EPN2: variants seen among roughly 807,000 people sequenced by gnomAD.
EPN2 encodes epsin-2.
In EPN2, 34 loss-of-function variants were observed where a neutral mutation model predicts 61.7. The observed-to-expected ratio is 0.55, with a 90% CI of 0.42 to 0.73. The LOEUF is 0.73. EPN2 is among the 30% of genes least tolerant of loss of function. The probability of loss-of-function intolerance (pLI) is 0.00; values close to 1 mark genes in which losing one functional copy is unlikely to be tolerated. For missense variants in EPN2, 714 were observed against 839.2 expected (o/e 0.85, Z 1.84); for synonymous variants, 349 against 353.6 (o/e 0.99, Z 0.15).
chr17:19,303,610 C>G (rs559830560), intron 4 of EPN2, among the ~76,000 whole-genome samples: 1 of 152,364 alleles, frequency 6.6e-6, no homozygotes, highest in African/African-American at 2.4e-5. Flanking sequence ...TATGACGTCA[C>G]CTGACAGGCA....
At chr17:19,269,141 A>C (rs2045229854) in intron 1 of EPN2, among the ~76,000 whole-genome samples, 2 of 152,238 alleles carry the variant, frequency 1.3e-5, no homozygotes, top group South Asian at 4.1e-4. Context: ...TTACATAATA[A>C]AACATTTAAG....
intron 1 of EPN2, among the ~76,000 whole-genome samples, chr17:19,265,424 C>CA (rs2045186108): frequency 6.6e-6 from 1 of 151,726 alleles, no homozygotes; most frequent in Non-Finnish European, 1.5e-5. Flanking sequence ...CGGTCTCACA[C>CA]AAAGGTGTCT....
intron 1 of EPN2, among the ~76,000 whole-genome samples, chr17:19,255,711 C>G (rs964557712): frequency 6.6e-6 from 1 of 151,802 alleles, no homozygotes; most frequent in Non-Finnish European, 1.5e-5. Context: ...TAGCCTCTAG[C>G]TCCTGGGCTC....
intron 3 of EPN2, among the ~76,000 whole-genome samples, chr17:19,284,521 G>C (rs964597690): frequency 1.3e-5 from 2 of 152,248 alleles, no homozygotes; most frequent in African/African-American, 4.8e-5. Flanking sequence ...GGTGGCCCTA[G>C]TGGCCTTTGG....
At chr17:19,253,853 T>C (rs533511374) in intron 1 of EPN2, among the ~76,000 whole-genome samples, 32 of 152,266 alleles carry the variant, frequency 2.1e-4, no homozygotes, top group Non-Finnish European at 4.1e-4. Context: ...AAAGAACTTA[T>C]AACAGTCGTG....
At chr17:19,241,584 C>CAAAAAAAAAA (rs767439856) in intron 1 of EPN2, among the ~76,000 whole-genome samples, 1 of 60,080 alleles carries the variant, frequency 1.7e-5, no homozygotes. Flanking sequence ...GACTCTGTCT[C>CAAAAAAAAAA]AAAAAAAAAA....
chr17:19,297,027 G>A (rs2045526896), intron 4 of EPN2: 1 of 152,206 alleles, frequency 6.6e-6, no homozygotes. Flanking sequence ...ATTTTCTGTG[G>A]TTCCTACACA....
In EPN2 at chr17:19,335,610, A is replaced by C; in HGVS notation, c.*1356A>C. The C allele has an allele frequency of 1.5e-6, 1 of 649,944 alleles. No homozygotes were observed. Among genetic ancestry groups the C allele is most frequent in the Non-Finnish European group, 2.4e-6 (1 of 418,316 alleles). 40.3% of individuals were successfully genotyped at this position (649,944 alleles called of 1,614,324 possible). ...GTCCCTGGGCAACAGTCCCTAGGCT[A>C]AGACAGGGGTGGGGGGCTAAGGGAC... On this transcript the variant is annotated 3_prime_UTR_variant, in exon 11 of 11. Transcript: ENST00000314728.
At chr17:19,244,604 AT>A (rs1298484699) in intron 1 of EPN2, among the ~76,000 whole-genome samples, 1 of 152,116 alleles carries the variant, frequency 6.6e-6, no homozygotes, top group Non-Finnish European at 1.5e-5. Context: ...CAGATTTAAT[AT>A]TCTTTCATGT....
intron 1 of EPN2, among the ~76,000 whole-genome samples, chr17:19,275,162 TG>T (rs144207718): frequency 2.0e-5 from 3 of 152,128 alleles, no homozygotes; most frequent in African/African-American, 7.2e-5. Flanking sequence ...CAACTGTGGC[TG>T]GGGGGAGCCT....
intron 4 of EPN2, among the ~76,000 whole-genome samples, chr17:19,302,187 C>A (rs1224058767): frequency 6.6e-6 from 1 of 152,232 alleles, no homozygotes; most frequent in East Asian, 1.9e-4. Flanking sequence ...GCAGCACCCC[C>A]TTATGGATGG....
rs2045390943 is a variant in EPN2, at chr17:19,285,002, T to G, written c.596-618T>G. 1.3e-5 allele frequency among the ~76,000 whole-genome samples: 2 copies of G among 152,232 alleles called. No homozygotes were observed. Among genetic ancestry groups the G allele is most frequent in the East Asian group, 3.8e-4 (2 of 5,202 alleles). The stretch of plus-strand genomic sequence containing the variant: ...ATCTCCAGAAGCCTCAATGCAGGGT[T>G]AAATTGCACCAAAACAAATGAAGAT... On this transcript the variant is annotated intron_variant, in intron 3 of 10. Coordinates refer to ENST00000314728, the MANE Select transcript of EPN2 (RefSeq NM_014964.5). The surrounding 1 kb of genome is among the most constrained non-coding windows in gnomAD (Gnocchi z 4.5).
intron 7 of EPN2, among the ~76,000 whole-genome samples, chr17:19,326,642 G>A (rs1001408419): frequency 1.6e-5 from 2 of 123,292 alleles, no homozygotes; most frequent in Non-Finnish European, 3.1e-5. Flanking sequence ...AGCGATGATT[G>A]CGCCACTGCA....
intron 9 of EPN2, among the ~76,000 whole-genome samples, chr17:19,331,082 G>A (rs949601079): frequency 2.0e-5 from 3 of 152,166 alleles, no homozygotes; most frequent in Non-Finnish European, 4.4e-5. Context: ...CTCAACTTTT[G>A]TGGATTAACA....
In EPN2 at chr17:19,285,898, G is replaced by A; in HGVS notation, c.766+108G>A. The A allele has an allele frequency of 7.1e-7, 1 of 1,399,148 alleles. No individual in the cohort carries two copies. The highest frequency in any genetic ancestry group is 9.3e-7 in the Non-Finnish European group (1 of 1,069,814). The allele number at this position is 1,399,148 out of a possible 1,614,324, so 86.7% of individuals were successfully genotyped here. A position where few individuals can be genotyped will look rare whatever the true frequency, so the allele number is the denominator to read the frequency against. On this transcript the variant is annotated intron_variant, in intron 4 of 10. Coordinates refer to ENST00000314728, the MANE Select transcript of EPN2 (RefSeq NM_014964.5). The surrounding 1 kb of genome is among the most constrained non-coding windows in gnomAD (Gnocchi z 4.5). ...CTCTCTCCCTGTCTCCTCTGGGCCT[G>A]GGGGTTTGGCCTCCAGCAGGCCCAG...
chr17:19,303,017 C>T (rs1327708923), intron 4 of EPN2, among the ~76,000 whole-genome samples: 22 of 152,238 alleles, frequency 1.4e-4, no homozygotes, highest in Admixed American at 1.4e-3. Context: ...GCACTACAGG[C>T]ATCCACACAC....
intron 1 of EPN2, among the ~76,000 whole-genome samples, chr17:19,278,718 A>G (rs2045332834): frequency 6.6e-6 from 1 of 152,178 alleles, no homozygotes; most frequent in Non-Finnish European, 1.5e-5. Context: ...GTGCCATCTC[A>G]GCTCACTCCA....
Position 19,329,580 on chromosome 17 carries a change from T to C in EPN2, c.1344T>C (p.Ser448=). Residue 448 remains serine, a synonymous_variant, in exon 9 of 11, where the codon AGT becomes AGC. Transcript: ENST00000314728. The part of the protein sequence containing the change: ...VSVSGSFELF[S]NLNGTIKDDF... ...ACCCAGGGTCCTTTGAGCTCTTCAGTAATCTGAATGGTACAATTAAAGATG... is the reference window on the plus strand; with the variant it reads ...ACCCAGGGTCCTTTGAGCTCTTCAGCAATCTGAATGGTACAATTAAAGATG... 1 of 1,613,192 alleles carries C rather than the reference T, an allele frequency of 6.2e-7. No individual in the cohort carries two copies. The highest frequency in any genetic ancestry group is 8.5e-7 in the Non-Finnish European group (1 of 1,179,212).
At chr17:19,270,379 G>A (rs1364200890) in intron 1 of EPN2, among the ~76,000 whole-genome samples, 1 of 152,220 alleles carries the variant, frequency 6.6e-6, no homozygotes, top group Non-Finnish European at 1.5e-5. Context: ...CAGGTTGTGT[G>A]TATAGTCTAG....
Sources: gnomAD v4.1 joint callset for allele counts (sites outside exome capture counted in the v4.1 genomes callset) on GRCh38, gnomAD v4.1.1 for gene constraint, Gnocchi (gnomAD v3.1) non-coding constraint, MANE v1.5 for transcripts, NCBI Gene and HGNC (gene_info 2026-07-23, HGNC 2026-07-21) for gene names.